Variants in RASAL2 observed in about 807,000 individuals in gnomAD.
RASAL2 encodes ras GTPase-activating protein nGAP.
Under a neutral mutation model 128.9 loss-of-function variants are expected in RASAL2, and 58 were observed. The observed-to-expected ratio is 0.45, with a 90% CI of 0.36 to 0.56. The LOEUF is 0.56. RASAL2 is among the 20% of genes least tolerant of loss of function. The pLI, the probability that RASAL2 is intolerant of heterozygous loss-of-function variation, is 0.00. For missense variants in RASAL2, 1,360 were observed against 1,601.6 expected (o/e 0.85, Z 2.57); for synonymous variants, 561 against 580.8 (o/e 0.97, Z 0.49).
chr1:178,113,731 G>T (rs1313455715), intron 1 of RASAL2, among the ~76,000 whole-genome samples: 1 of 152,074 alleles, frequency 6.6e-6, no homozygotes, highest in Non-Finnish European at 1.5e-5. Flanking sequence ...AAGCCTGCAA[G>T]ATTTTGATTG....
chr1:178,411,870 G>T, intron 4 of RASAL2: 1 of 729,884 alleles, frequency 1.4e-6, no homozygotes, highest in East Asian at 2.5e-5. Flanking sequence ...GAGGAAATAG[G>T]ACCAAGACCC....
chr1:178,441,599 G>C lies in RASAL2; in HGVS notation c.879G>C (p.Glu293Asp). The C allele has an allele frequency of 6.2e-7, 1 of 1,612,798 alleles. No homozygotes were observed. Among genetic ancestry groups the C allele is most frequent in the Non-Finnish European group, 8.5e-7 (1 of 1,179,204 alleles). ...SKCFSCNSAS[E>D]RDKWMENLRR... is the part of the protein sequence containing the mutation. ...GCTTCAGCTGTAATTCTGCTTCTGA[G>C]AGAGACAAGTGGATGGAAAACCTTC... Residue 293 changes from glutamate (E) to aspartate (D), a missense_variant, in exon 7 of 18, where the codon GAG becomes GAC. Around this residue, in one of 3 missense-constraint regions of RASAL2, gnomAD observed 617 missense variants for 714.2 expected, o/e 0.86. Coordinates refer to ENST00000367649, the MANE Select transcript of RASAL2 (RefSeq NM_170692.4).
At chr1:178,121,532 C>T (rs936477433) in intron 1 of RASAL2, among the ~76,000 whole-genome samples, 8 of 151,832 alleles carry the variant, frequency 5.3e-5, no homozygotes, top group African/African-American at 1.9e-4. Context: ...CTTGCCCAGG[C>T]TGGAGTGCAG....
At chr1:178,167,755 T>C (rs957748821) in intron 1 of RASAL2, among the ~76,000 whole-genome samples, 3 of 152,112 alleles carry the variant, frequency 2.0e-5, no homozygotes, top group Admixed American at 6.6e-5. Context: ...ATTTCTATGC[T>C]ACATGGTTTG....
chr1:178,135,738 T>C (rs542225271), intron 1 of RASAL2, among the ~76,000 whole-genome samples: 2 of 152,304 alleles, frequency 1.3e-5, no homozygotes, highest in African/African-American at 4.8e-5. Context: ...TACAGTTCCA[T>C]GTGGCTGGGG....
chr1:178,118,444 G>A lies in RASAL2; in HGVS notation c.202+23750G>A, dbSNP rs35684206. Among the ~76,000 whole-genome samples the A allele has an allele frequency of 4.2e-3, 639 of 152,244 alleles. 3 individuals are homozygous for A. Among genetic ancestry groups the A allele is most frequent in the Non-Finnish European group, 3.9e-3 (268 of 68,028 alleles). On this transcript the variant is annotated intron_variant, in intron 1 of 17. Transcript: ENST00000367649. ...GTGCAACTAGATGGTCTCATCTGGG[G>A]GTGATGGGAGACAGTGACACACAAA...
chr1:178,435,057 A>T (rs1676167194), intron 5 of RASAL2, among the ~76,000 whole-genome samples: 1 of 152,066 alleles, frequency 6.6e-6, no homozygotes, highest in African/African-American at 2.4e-5. Context: ...TGAATACAAC[A>T]GTATGTTGCT....
intron 1 of RASAL2, among the ~76,000 whole-genome samples, chr1:178,241,196 T>C (rs1664480184): frequency 6.6e-6 from 1 of 152,094 alleles, no homozygotes. Context: ...TAAATGAGTA[T>C]TATTGATGTG....
At chr1:178,412,344 T>C (rs977877613) in intron 4 of RASAL2, among the ~76,000 whole-genome samples, 1 of 152,230 alleles carries the variant, frequency 6.6e-6, no homozygotes, top group African/African-American at 2.4e-5. Context: ...TTATGGACTA[T>C]TGATTTGGAA....
At chr1:178,418,200 A>G (rs559466373) in intron 4 of RASAL2, among the ~76,000 whole-genome samples, 51 of 152,286 alleles carry the variant, frequency 3.3e-4, no homozygotes, top group African/African-American at 1.2e-3. Flanking sequence ...CTTAACTACT[A>G]TTAGCCTACT....
In RASAL2 at chr1:178,458,159, A is replaced by C. The variant is rs762591001; in HGVS notation, c.2867A>C (p.Gln956Pro). 1 of 1,614,232 alleles carries C rather than the reference A, an allele frequency of 6.2e-7. No individual in the cohort carries two copies. Among genetic ancestry groups the C allele is most frequent in the South Asian group, 1.1e-5 (1 of 91,086 alleles). The change falls in exon 14 of 18, where the codon CAA becomes CCA. Residue 956 changes from glutamine to proline, a missense_variant. Physicochemically the swap from Gln to Pro is moderately conservative, Grantham distance 76. Around this residue, in one of 3 missense-constraint regions of RASAL2, gnomAD observed 741 missense variants for 868.6 expected, o/e 0.85. Transcript: ENST00000367649. ...ENLSTASSRS[Q>P]SNSEDFKLSG... ...CTAAGCACTGCCAGTTCCAGAAGCC[A>C]AAGTAACAGTGAAGACTTCAAGCTC...
intron 14 of RASAL2, 62 bp downstream of exon 14, chr1:178,458,606 A>G: frequency 6.7e-7 from 1 of 1,496,400 alleles, no homozygotes; most frequent in Non-Finnish European, 8.9e-7. Flanking sequence ...TTGGTTCTTT[A>G]TACATAAATC....
At chr1:178,350,233 T>C (rs1156850942) in intron 3 of RASAL2, among the ~76,000 whole-genome samples, 3 of 152,206 alleles carry the variant, frequency 2.0e-5, no homozygotes, top group Non-Finnish European at 4.4e-5. Context: ...TCTCTTTCTC[T>C]GTTGAGACAG....
chr1:178,175,123 C>A (rs2101917909), intron 1 of RASAL2, among the ~76,000 whole-genome samples: 1 of 152,206 alleles, frequency 6.6e-6, no homozygotes, highest in African/African-American at 2.4e-5. Flanking sequence ...TTTTAGTTTT[C>A]TCATTAATAA....
intron 4 of RASAL2, among the ~76,000 whole-genome samples, chr1:178,407,909 C>T (rs113483227): frequency 0.014 from 2,116 of 152,212 alleles, 48 homozygotes; most frequent in African/African-American, 0.048. Flanking sequence ...CACAGCTAGC[C>T]GAGTTCAGTC....
intron 4 of RASAL2, among the ~76,000 whole-genome samples, chr1:178,392,353 C>T (rs1672964979): frequency 6.6e-6 from 1 of 152,122 alleles, no homozygotes; most frequent in Non-Finnish European, 1.5e-5. Flanking sequence ...TGGAAAGACA[C>T]ACAGTCATGG....
intron 1 of RASAL2, among the ~76,000 whole-genome samples, chr1:178,167,765 G>T (rs913537334): frequency 4.6e-5 from 7 of 150,550 alleles, no homozygotes; most frequent in African/African-American, 1.7e-4. Context: ...TACATGGTTT[G>T]CCTGCATGTT....
chr1:178,147,231 A>G (rs1344171655), intron 1 of RASAL2, among the ~76,000 whole-genome samples: 1 of 152,060 alleles, frequency 6.6e-6, no homozygotes, highest in East Asian at 1.9e-4. Flanking sequence ...GGTCATGCCT[A>G]TAATCCCAGC....
chr1:178,213,378 G>T lies in RASAL2; in HGVS notation c.203-70186G>T, dbSNP rs371832145. ...AAAATTACACATGTGCCTACCTTAC[G>T]ACCAGCAACTCCATGTCTAGGAACA... is the stretch of plus-strand genomic sequence containing the variant. On this transcript the variant is annotated intron_variant, in intron 1 of 17. Transcript: ENST00000367649. Among the ~76,000 whole-genome samples the T allele has an allele frequency of 1.6e-3, 247 of 152,144 alleles. 1 individual carries two copies. The highest frequency in any genetic ancestry group is 3.1e-3 in the African/African-American group (128 of 41,504).
Sources: allele counts gnomAD v4.1 joint callset (sites outside exome capture counted in the v4.1 genomes callset), GRCh38; gene constraint gnomAD v4.1.1; regional missense constraint gnomAD v4.1.1; transcripts MANE v1.5; gene names NCBI Gene and HGNC (gene_info 2026-07-23, HGNC 2026-07-21).